MGST1: variants seen among roughly 807,000 people sequenced by gnomAD.
MGST1 encodes microsomal glutathione S-transferase 1, also known as glutathione S-transferase 12.
MGST1 carries 5 observed loss-of-function variants against 8.9 expected under a neutral mutation model. That is an observed-to-expected ratio of 0.56 (90% CI 0.29 to 1.19). The LOEUF (loss-of-function observed/expected upper bound fraction) is 1.19. Ranked by LOEUF, MGST1 falls within the 50% of genes most tolerant of loss-of-function variation. MGST1 has a pLI of 0.08. For synonymous variants in MGST1, 54 were observed against 67.8 expected, an observed-to-expected ratio of 0.80 and a Z score of 1.00; for missense variants, 182 against 187.4, an observed-to-expected ratio of 0.97 and a Z score of 0.17.
chr12:16,479,743 C>T (rs1265300604), intron 4 of MGST1, among the ~76,000 whole-genome samples: 1 of 151,408 alleles, frequency 6.6e-6, no homozygotes, highest in Non-Finnish European at 1.5e-5. Context: ...ACTGTGTTGC[C>T]TGGGCTGGTC....
chr12:16,534,721 G>C (rs747026057), intron 4 of MGST1, among the ~76,000 whole-genome samples: 2 of 152,162 alleles, frequency 1.3e-5, no homozygotes, highest in Non-Finnish European at 2.9e-5. Context: ...GTGAGATAGT[G>C]CTAGGTTTGG....
At chr12:16,365,039 AT>A (rs1253876911), downstream of MGST1, among the ~76,000 whole-genome samples, 1 of 152,162 alleles carries the variant, frequency 6.6e-6, no homozygotes, top group Non-Finnish European at 1.5e-5. Flanking sequence ...CAGGCATATG[AT>A]ATCAGTTTGC....
intron 4 of MGST1, among the ~76,000 whole-genome samples, chr12:16,574,959 T>TC (rs1419919787): frequency 6.6e-6 from 1 of 152,126 alleles, no homozygotes; most frequent in Non-Finnish European, 1.5e-5. Context: ...ATAAGGCACC[T>TC]CCTTTCTTAC....
chr12:16,451,345 T>G (rs978076399), intron 4 of MGST1, among the ~76,000 whole-genome samples: 2 of 151,654 alleles, frequency 1.3e-5, no homozygotes, highest in Non-Finnish European at 2.9e-5. Context: ...CATAGGGGGG[T>G]TTATTTTTAC....
Position 16,569,918 on chromosome 12 carries a change from A to G in MGST1, n.483-19610A>G, listed in dbSNP as rs535905734. Among the ~76,000 whole-genome samples the G allele has an allele frequency of 7.8e-4, 119 of 152,302 alleles. 1 individual carries two copies. Among genetic ancestry groups the G allele is most frequent in the Admixed American group, 1.3e-3 (20 of 15,286 alleles). On this transcript the variant is annotated intron_variant and non_coding_transcript_variant, in intron 4 of 4. Transcript: ENST00000538857. ...GAAACAAATATTTTATCTAATCACT[A>G]TAGCTCCTTGTTCTAATTTTAAGGT...
chr12:16,436,356 G>T (rs1290368189), intron 1 of MGST1, among the ~76,000 whole-genome samples: 1 of 151,898 alleles, frequency 6.6e-6, no homozygotes, highest in Non-Finnish European at 1.5e-5. Context: ...GCCTCATTCA[G>T]AAGAGGTTTT....
At chr12:16,381,174 C>T (rs1019443244), downstream of MGST1, among the ~76,000 whole-genome samples, 3 of 152,094 alleles carry the variant, frequency 2.0e-5, no homozygotes, top group Non-Finnish European at 4.4e-5. Context: ...GAATTTTTTC[C>T]TGTCATTATG....
At chr12:16,440,125 T>C (rs542835287), downstream of MGST1, among the ~76,000 whole-genome samples, 1 of 151,946 alleles carries the variant, frequency 6.6e-6, no homozygotes, top group Non-Finnish European at 1.5e-5. Context: ...TATTCATCTT[T>C]GTAATTCCTA....
chr12:16,419,219 T>C (rs1940812235), intron 1 of MGST1, among the ~76,000 whole-genome samples: 1 of 152,178 alleles, frequency 6.6e-6, no homozygotes, highest in African/African-American at 2.4e-5. Context: ...CCATTCCCTT[T>C]TCCAAATGCT....
At position 16,361,520 on chromosome 12, in the gene MGST1, G is replaced by C. The variant is rs1271745372; in HGVS notation, c.222-2275G>C. ...TCTTAGGAAGACTGATGTCCACCTG[G>C]TGATAGATTTTGGCAGCTGTCCATA... On this transcript the variant is annotated intron_variant, in intron 3 of 3. Coordinates refer to ENST00000396210, the MANE Select transcript of MGST1 (RefSeq NM_020300.5). The surrounding 1 kb of genome is among the most constrained non-coding windows in gnomAD (Gnocchi z 4.2). 9.2e-5 allele frequency among the ~76,000 whole-genome samples: 14 copies of C among 152,176 alleles called. No homozygotes were observed. Among genetic ancestry groups the C allele is most frequent in the Non-Finnish European group, 1.0e-4 (7 of 68,022 alleles).
Position 16,548,966 on chromosome 12 carries a change from T to C in MGST1, n.483-40562T>C, listed in dbSNP as rs1478526062. 1.3e-5 allele frequency: 2 copies of C among 152,176 alleles called. No individual in the cohort carries two copies. Among genetic ancestry groups the C allele is most frequent in the Non-Finnish European group, 2.9e-5 (2 of 68,022 alleles). 9.4% of individuals were successfully genotyped at this position (152,176 alleles called of 1,614,324 possible). A position where few individuals can be genotyped will look rare whatever the true frequency, so the allele number is the denominator to read the frequency against. The stretch of plus-strand genomic sequence containing the variant: ...TTTGGTCTTCCAGTGGCAAGGATAG[T>C]TGAACAACTTCAAGAAGCTGAGAGA... On this transcript the variant is annotated intron_variant and non_coding_transcript_variant, in intron 4 of 4. Coordinates refer to the MGST1 transcript ENST00000538857. The surrounding 1 kb of genome is among the most constrained non-coding windows in gnomAD (Gnocchi z 4.2).
At chr12:16,352,461 G>T (rs965533693) in intron 1 of MGST1, among the ~76,000 whole-genome samples, 3 of 152,206 alleles carry the variant, frequency 2.0e-5, no homozygotes, top group African/African-American at 7.2e-5. Context: ...AGGATAAATA[G>T]CCTCTAAGCT....
At chr12:16,577,520 A>G (rs1031394809) in intron 4 of MGST1, among the ~76,000 whole-genome samples, 3 of 152,146 alleles carry the variant, frequency 2.0e-5, no homozygotes, top group African/African-American at 4.8e-5. Context: ...ATATTTATTG[A>G]GTACCTATTA....
intron 4 of MGST1, among the ~76,000 whole-genome samples, chr12:16,506,623 T>G (rs1323384149): frequency 2.0e-5 from 3 of 152,206 alleles, no homozygotes; most frequent in African/African-American, 7.2e-5. Context: ...CATCTGTTTT[T>G]GTAAATACAA....
At position 16,584,164 on chromosome 12, in the gene MGST1, G is replaced by C. The variant is rs1943248175; in HGVS notation, n.483-5364G>C. ...GAGGGAAATGACAGCAGTGAGTAGG[G>C]GTAAAAGGTAGTATAATTAGATGTA... On this transcript the variant is annotated intron_variant and non_coding_transcript_variant, in intron 4 of 4. Transcript: ENST00000538857. This position sits in a 1 kb window ranked among gnomAD's most constrained non-coding sequence, Gnocchi z 5.2. 6.6e-6 allele frequency among the ~76,000 whole-genome samples: 1 copy of C among 152,026 alleles called. No homozygotes were observed. Among genetic ancestry groups the C allele is most frequent in the South Asian group, 2.1e-4 (1 of 4,810 alleles).
chr12:16,453,387 A>G (rs1249241469), intron 4 of MGST1, among the ~76,000 whole-genome samples: 1 of 151,968 alleles, frequency 6.6e-6, no homozygotes, highest in Non-Finnish European at 1.5e-5. Flanking sequence ...TCATATTTCA[A>G]TCAGCAGCCT....
At chr12:16,496,895 CACAA>C (rs1941474214) in intron 4 of MGST1, among the ~76,000 whole-genome samples, 1 of 152,030 alleles carries the variant, frequency 6.6e-6, no homozygotes, top group South Asian at 2.1e-4. Context: ...TTAAATGAGA[CACAA>C]ACAAGAAGTC....
chr12:16,479,963 C>T (rs246846), intron 4 of MGST1, among the ~76,000 whole-genome samples: 2,962 of 151,992 alleles, frequency 0.019, 104 homozygotes, highest in African/African-American at 0.068. Context: ...TATCAGGAGT[C>T]AAGAAATGGA....
At chr12:16,481,017 A>G (rs946486504) in intron 4 of MGST1, among the ~76,000 whole-genome samples, 26 of 152,320 alleles carry the variant, frequency 1.7e-4, no homozygotes, top group African/African-American at 6.3e-4. Flanking sequence ...TGGGCAACAT[A>G]CAGTCCTAGG....
Sources: allele counts gnomAD v4.1 joint callset (sites outside exome capture counted in the v4.1 genomes callset), GRCh38; gene constraint gnomAD v4.1.1; non-coding constraint Gnocchi (gnomAD v3.1); transcripts MANE v1.5; gene names NCBI Gene and HGNC (gene_info 2026-07-23, HGNC 2026-07-21).